ACSL5: variants seen among roughly 807,000 people sequenced by gnomAD.
ACSL5 encodes acyl-CoA synthetase long chain family member 5.
Under a neutral mutation model 84.9 loss-of-function variants are expected in ACSL5, and 50 were observed. The observed-to-expected ratio is 0.59, with a 90% CI of 0.47 to 0.75. ACSL5 has a LOEUF of 0.75. ACSL5 is among the 30% of genes least tolerant of loss of function. The pLI is 0.00. For synonymous variants in ACSL5, 280 were observed against 300.7 expected, an observed-to-expected ratio of 0.93 and a Z score of 0.71; for missense variants, 775 against 830.4, an observed-to-expected ratio of 0.93 and a Z score of 0.82.
At chr10:112,412,081 C>A in intron 11 of ACSL5, 102 bp downstream of exon 11, 1 of 1,244,922 alleles carries the variant, frequency 8.0e-7, no homozygotes. Flanking sequence ...GTTCTTTCTC[C>A]GGTGTGAGAG....
At chr10:112,375,645 T>C (rs961987909) in intron 1 of ACSL5, 1 of 152,166 alleles carries the variant, frequency 6.6e-6, no homozygotes, top group African/African-American at 2.4e-5. Context: ...CTTAGGCGGA[T>C]CAAAAATGAG....
At chr10:112,417,553 C>G (rs1220813132) in intron 13 of ACSL5, among the ~76,000 whole-genome samples, 1 of 150,944 alleles carries the variant, frequency 6.6e-6, no homozygotes, top group African/African-American at 2.4e-5. Flanking sequence ...CTCTTATTTT[C>G]TTTGGTGGTC....
At chr10:112,419,102 C>CTGTGTGTG (rs57261585) in intron 14 of ACSL5, among the ~76,000 whole-genome samples, 30,441 of 146,346 alleles carry the variant, frequency 0.21, 3,726 homozygotes, top group East Asian at 0.38. Flanking sequence ...CACAATGTAT[C>CTGTGTGTG]TGTGTGTGTG....
Position 112,401,308 on chromosome 10 carries a change from T to C in ACSL5, c.265+2299T>C, listed in dbSNP as rs148912159. ...GTAGTTTGTTTATCTTGAGACTCAC[T>C]TGGGGCTACTGTTTAAAATATATAT... On this transcript the variant is annotated intron_variant, in intron 3 of 20. Transcript: ENST00000354655. Among the ~76,000 whole-genome samples, 345 of 152,356 alleles carry C rather than the reference T, an allele frequency of 2.3e-3. 4 individuals are homozygous for C. Among genetic ancestry groups the C allele is most frequent in the African/African-American group, 7.2e-3 (298 of 41,574 alleles).
At chr10:112,380,457 C>T (rs1263478319) in intron 1 of ACSL5, among the ~76,000 whole-genome samples, 1 of 148,890 alleles carries the variant, frequency 6.7e-6, no homozygotes, top group Admixed American at 6.8e-5. Context: ...CCCCCTGCCA[C>T]CCCCCGCCCC....
At chr10:112,390,003 A>G (rs1677096872) in intron 1 of ACSL5, among the ~76,000 whole-genome samples, 1 of 152,152 alleles carries the variant, frequency 6.6e-6, no homozygotes, top group African/African-American at 2.4e-5. Flanking sequence ...CTGAGGTAGG[A>G]AGATCACTTG....
intron 14 of ACSL5, among the ~76,000 whole-genome samples, 196 bp from the exon 15 acceptor site, chr10:112,421,397 G>C (rs1429551599): frequency 6.6e-6 from 1 of 152,068 alleles, no homozygotes; most frequent in Non-Finnish European, 1.5e-5. Flanking sequence ...CTGATCTCAG[G>C]TGATCCTCCC....
chr10:112,417,986 A>G, intron 14 of ACSL5, 45 bp downstream of exon 14: 1 of 1,414,584 alleles, frequency 7.1e-7, no homozygotes, highest in Non-Finnish European at 9.7e-7. Context: ...TTACTTTTGC[A>G]CAAACAGGCT....
chr10:112,378,227 G>GTTTTTTTTTTTTTTTT (rs144322644), intron 1 of ACSL5, among the ~76,000 whole-genome samples: 1 of 56,782 alleles, frequency 1.8e-5, no homozygotes, highest in African/African-American at 7.6e-5. Context: ...TCTTCTTCTT[G>GTTTTTTTTTTTTTTTT]TTTTTTTTTT....
intron 12 of ACSL5, among the ~76,000 whole-genome samples, chr10:112,416,112 C>T (rs1844307085): frequency 6.6e-6 from 1 of 152,126 alleles, no homozygotes; most frequent in Admixed American, 6.5e-5. Flanking sequence ...GGTGGGAATT[C>T]TCCAAGTTCA....
intron 1 of ACSL5, among the ~76,000 whole-genome samples, chr10:112,379,479 G>A (rs935312113): frequency 1.3e-5 from 2 of 151,508 alleles, no homozygotes; most frequent in East Asian, 1.9e-4. Context: ...GGCAGTAATC[G>A]TTCAAGACCG....
At chr10:112,380,676 G>GA (rs1194269488) in intron 1 of ACSL5, among the ~76,000 whole-genome samples, 2 of 152,206 alleles carry the variant, frequency 1.3e-5, no homozygotes, top group Admixed American at 1.3e-4. Flanking sequence ...GACAACAGTT[G>GA]AGAAAGATGG....
rs1015763663 is a variant in ACSL5 at position 112,421,215 on chromosome 10, A to G, written c.1315-378A>G. 4.6e-5 allele frequency among the ~76,000 whole-genome samples: 7 copies of G among 152,116 alleles called. No homozygotes were observed. The South Asian group carries it at 8.3e-4, about 18-fold the overall frequency. On this transcript the variant is annotated intron_variant, in intron 14 of 20. Transcript: ENST00000354655. The stretch of plus-strand genomic sequence containing the variant: ...GCTCTGTCACCCAGGCTGGAGTACA[A>G]TGGCGTGATTTCAGCTCACTGCAAC...
intron 3 of ACSL5, among the ~76,000 whole-genome samples, chr10:112,402,029 G>T (rs143074439): frequency 6.7e-6 from 1 of 150,276 alleles, no homozygotes; most frequent in Admixed American, 6.7e-5. Context: ...GCAGTGGCAC[G>T]ATCTAAGCTC....
At chr10:112,406,849 A>T (rs1683134214) in intron 5 of ACSL5, among the ~76,000 whole-genome samples, 1 of 152,180 alleles carries the variant, frequency 6.6e-6, no homozygotes, top group African/African-American at 2.4e-5. Context: ...ATGAAATCAG[A>T]TCACATGAGA....
intron 1 of ACSL5, among the ~76,000 whole-genome samples, chr10:112,384,229 C>A (rs781720127): frequency 6.6e-6 from 1 of 151,866 alleles, no homozygotes; most frequent in Non-Finnish European, 1.5e-5. Flanking sequence ...CCTGCTGTAC[C>A]CCCAGTTCTC....
At chr10:112,399,558 A>G (rs1843827828) in intron 3 of ACSL5, among the ~76,000 whole-genome samples, 1 of 152,142 alleles carries the variant, frequency 6.6e-6, no homozygotes, top group Non-Finnish European at 1.5e-5. Context: ...TGACACGTTC[A>G]TTTGGAATAC....
In ACSL5 at chr10:112,402,113, A is replaced by T. The variant is rs146144461; in HGVS notation, c.266-2398A>T. ...CCCAAATAGCTGGGACTACAGGCTCATGCCACCACCCATAGCTAATTTTTT... is the reference window on the plus strand; with the variant it reads ...CCCAAATAGCTGGGACTACAGGCTCTTGCCACCACCCATAGCTAATTTTTT... On this transcript the variant is annotated intron_variant, in intron 3 of 20. Transcript: ENST00000354655. Among the ~76,000 whole-genome samples the T allele has an allele frequency of 6.0e-3, 917 of 151,986 alleles. 40 individuals are homozygous for T. Among genetic ancestry groups the T allele is most frequent in the Admixed American group, 0.049 (753 of 15,244 alleles).
At chr10:112,401,795 T>C (rs1191757935) in intron 3 of ACSL5, among the ~76,000 whole-genome samples, 3 of 62,450 alleles carry the variant, frequency 4.8e-5, no homozygotes, top group African/African-American at 1.2e-4. Flanking sequence ...TCTCTTTCTT[T>C]CTTTCTTTCT....
Sources: allele counts gnomAD v4.1 joint callset (sites outside exome capture counted in the v4.1 genomes callset), GRCh38; gene constraint gnomAD v4.1.1; transcripts MANE v1.5; gene names NCBI Gene and HGNC (gene_info 2026-07-23, HGNC 2026-07-21).